Variants in HMGCLL1 observed in about 807,000 individuals in gnomAD.
The protein encoded by HMGCLL1 is 3-hydroxymethyl-3-methylglutaryl-CoA lyase, cytoplasmic.
A neutral mutation model predicts 39.1 loss-of-function variants in HMGCLL1; 36 were observed. The observed-to-expected ratio is 0.92, with a 90% CI of 0.71 to 1.22. HMGCLL1 has a LOEUF of 1.22. Among genes scored for constraint, HMGCLL1 ranks in the 50% most tolerant of loss-of-function variants. The probability of loss-of-function intolerance (pLI) is 0.00; values close to 1 mark genes in which losing one functional copy is unlikely to be tolerated. For synonymous variants in HMGCLL1, 149 were observed against 144.0 expected (o/e 1.03, Z -0.25); for missense variants, 451 against 416.5 (o/e 1.08, Z -0.72).
the HMGCLL1 span, among the ~76,000 whole-genome samples, chr6:55,650,690 A>G: frequency 3.9e-5 from 6 of 152,092 alleles, no homozygotes; most frequent in South Asian, 1.2e-3. Flanking sequence ...ATTAGAGAAA[A>G]CAATCTTGGC....
chr6:55,488,431 G>T (rs1006135169), intron 7 of HMGCLL1, among the ~76,000 whole-genome samples: 1 of 151,990 alleles, frequency 6.6e-6, no homozygotes, highest in Non-Finnish European at 1.5e-5. Context: ...TGAGGAAAAG[G>T]ATGATGCTTC....
chr6:55,537,862 A>T (rs981563462), intron 3 of HMGCLL1, among the ~76,000 whole-genome samples: 6 of 152,194 alleles, frequency 3.9e-5, no homozygotes, highest in African/African-American at 1.4e-4. Context: ...AGAGTTCATT[A>T]AATTTGAATA....
At chr6:55,656,388 C>T in the HMGCLL1 span, among the ~76,000 whole-genome samples, 1 of 151,984 alleles carries the variant, frequency 6.6e-6, no homozygotes, top group Non-Finnish European at 1.5e-5. Context: ...TTTTATTTTT[C>T]TTCCTGATCA....
chr6:55,563,385 T>G (rs1372798654), intron 1 of HMGCLL1, among the ~76,000 whole-genome samples: 1 of 152,144 alleles, frequency 6.6e-6, no homozygotes, highest in East Asian at 1.9e-4. Flanking sequence ...AAAAACTGTG[T>G]AAGATATGCC....
chr6:55,589,991 A>G, the HMGCLL1 span, among the ~76,000 whole-genome samples: 1 of 150,998 alleles, frequency 6.6e-6, no homozygotes, highest in African/African-American at 2.4e-5. Context: ...GGTAATTTAT[A>G]GATTCAATGC....
intron 3 of HMGCLL1, among the ~76,000 whole-genome samples, chr6:55,522,611 A>G (rs1485565967): frequency 6.6e-6 from 1 of 152,028 alleles, no homozygotes; most frequent in Non-Finnish European, 1.5e-5. Context: ...GCCCTGAACA[A>G]ATGCAGTTAC....
chr6:55,673,412 C>CA, the HMGCLL1 span, among the ~76,000 whole-genome samples: 1 of 151,390 alleles, frequency 6.6e-6, no homozygotes, highest in African/African-American at 2.4e-5. Flanking sequence ...ACCAATATTA[C>CA]AAAAAAATGA....
chr6:55,539,690 G>A (rs1275314587), intron 3 of HMGCLL1, among the ~76,000 whole-genome samples: 2 of 151,176 alleles, frequency 1.3e-5, no homozygotes, highest in African/African-American at 4.9e-5. Context: ...AACACACACT[G>A]GAGCGTATGG....
At chr6:55,465,626 C>A (rs1160437783) in intron 7 of HMGCLL1, among the ~76,000 whole-genome samples, 1 of 151,752 alleles carries the variant, frequency 6.6e-6, no homozygotes, top group Non-Finnish European at 1.5e-5. Context: ...TTAGGTGGTT[C>A]CCATTTACTC....
the HMGCLL1 span, among the ~76,000 whole-genome samples, chr6:55,602,097 C>T: frequency 4.0e-5 from 6 of 151,788 alleles, no homozygotes; most frequent in East Asian, 1.9e-4. Flanking sequence ...ATCTCTTAGA[C>T]GTATGTAATA....
intron 1 of HMGCLL1, among the ~76,000 whole-genome samples, chr6:55,566,124 G>C (rs1771198797): frequency 6.6e-6 from 1 of 152,088 alleles, no homozygotes; most frequent in Admixed American, 6.6e-5. Context: ...ATGAAATTGA[G>C]TAGAGAATTT....
chr6:55,599,303 C>T, the HMGCLL1 span, among the ~76,000 whole-genome samples: 2 of 151,996 alleles, frequency 1.3e-5, no homozygotes, highest in East Asian at 3.9e-4. Flanking sequence ...TCTTGAAGCT[C>T]ATTGAGTAGT....
intron 1 of HMGCLL1, among the ~76,000 whole-genome samples, chr6:55,576,038 A>C (rs1771744384): frequency 6.6e-6 from 1 of 152,226 alleles, no homozygotes; most frequent in Admixed American, 6.5e-5. Flanking sequence ...CATTCTGATA[A>C]GTGTTGAGAA....
chr6:55,592,298 CT>C, the HMGCLL1 span, among the ~76,000 whole-genome samples: 1 of 151,990 alleles, frequency 6.6e-6, no homozygotes, highest in African/African-American at 2.4e-5. Context: ...CTCTCAGAAA[CT>C]TTTCCCTATT....
chr6:55,631,307 T>C, the HMGCLL1 span, among the ~76,000 whole-genome samples: 8 of 152,138 alleles, frequency 5.3e-5, no homozygotes, highest in African/African-American at 1.9e-4. Context: ...GAAGACTTTT[T>C]TTTATATGCA....
chr6:55,595,983 A>C, the HMGCLL1 span, among the ~76,000 whole-genome samples: 1 of 152,170 alleles, frequency 6.6e-6, no homozygotes, highest in Non-Finnish European at 1.5e-5. Flanking sequence ...CATGGTATCA[A>C]ATGTTTTGTA....
At chr6:55,499,569 T>C (rs1766767603) in intron 5 of HMGCLL1, among the ~76,000 whole-genome samples, 1 of 152,054 alleles carries the variant, frequency 6.6e-6, no homozygotes, top group Non-Finnish European at 1.5e-5. Flanking sequence ...AAGTTATTCA[T>C]ACCATAGCAA....
intron 6 of HMGCLL1, 117 bp downstream of exon 6, chr6:55,499,119 C>T (rs939941002): frequency 6.3e-5 from 43 of 677,954 alleles, no homozygotes; most frequent in Non-Finnish European, 9.0e-5. Context: ...CTTCAGGGTT[C>T]GCCTCTTAAT....
chr6:55,438,950 C>A (rs1763480526), intron 8 of HMGCLL1, among the ~76,000 whole-genome samples: 1 of 152,002 alleles, frequency 6.6e-6, no homozygotes, highest in South Asian at 2.1e-4. Context: ...TTCTTGCCAT[C>A]CAGTGTCTCA....
Sources: allele counts gnomAD v4.1 joint callset (sites outside exome capture counted in the v4.1 genomes callset), GRCh38; gene constraint gnomAD v4.1.1; transcripts MANE v1.5; gene names NCBI Gene and HGNC (gene_info 2026-07-23, HGNC 2026-07-21).